Variants in C13orf42 observed in about 807,000 individuals in gnomAD.
C13orf42 encodes the protein chromosome 13 open reading frame 42, also known as uncharacterized protein C13orf42.
chr13:51,091,188 G>A (rs1464640828), intron 1 of C13orf42, among the ~76,000 whole-genome samples: 1 of 152,132 alleles, frequency 6.6e-6, no homozygotes, highest in Non-Finnish European at 1.5e-5. Context: ...GGCTCTGCTG[G>A]CCCAGTCAAT....
intron 1 of C13orf42, among the ~76,000 whole-genome samples, chr13:51,165,375 C>T (rs1233732713): frequency 6.6e-6 from 1 of 152,208 alleles, no homozygotes; most frequent in Non-Finnish European, 1.5e-5. Flanking sequence ...TTCAATTGTA[C>T]TCACATTTAT....
upstream of C13orf42, among the ~76,000 whole-genome samples, chr13:51,112,961 G>A (rs529946598): frequency 6.6e-6 from 1 of 152,286 alleles, no homozygotes; most frequent in East Asian, 1.9e-4. Context: ...CCCGGGATGG[G>A]TAAGTGCTGA....
chr13:51,087,071 C>A (rs1042769868), intron 2 of C13orf42, among the ~76,000 whole-genome samples: 27 of 152,126 alleles, frequency 1.8e-4, no homozygotes, highest in Non-Finnish European at 3.4e-4. Context: ...CCAGTGAGCC[C>A]CCTGAATAAA....
At chr13:51,171,598 C>T (rs537921968) in intron 1 of C13orf42, among the ~76,000 whole-genome samples, 73 of 152,254 alleles carry the variant, frequency 4.8e-4, no homozygotes, top group African/African-American at 1.6e-3. Flanking sequence ...CTCTGCTCCT[C>T]CACCCTATAA....
At chr13:51,124,518 T>C (rs1953561075) in intron 1 of C13orf42, among the ~76,000 whole-genome samples, 1 of 152,212 alleles carries the variant, frequency 6.6e-6, no homozygotes, top group Non-Finnish European at 1.5e-5. Context: ...TTTCATCTGC[T>C]TCTCACTGAA....
intron 1 of C13orf42, among the ~76,000 whole-genome samples, chr13:51,162,671 G>T (rs997631683): frequency 6.6e-6 from 1 of 152,118 alleles, no homozygotes; most frequent in Non-Finnish European, 1.5e-5. Context: ...AAGAGGATTT[G>T]CTCTGTCCTC....
chr13:51,136,462 C>T (rs1418651045), intron 1 of C13orf42, among the ~76,000 whole-genome samples: 2 of 152,100 alleles, frequency 1.3e-5, no homozygotes, highest in Non-Finnish European at 2.9e-5. Flanking sequence ...GTCTTTTAGT[C>T]GTGGCAGAGA....
At chr13:51,104,735 AAG>A (rs777547367) in intron 1 of C13orf42, among the ~76,000 whole-genome samples, 34 of 152,026 alleles carry the variant, frequency 2.2e-4, no homozygotes, top group Non-Finnish European at 3.8e-4. Context: ...TACACTGTGA[AAG>A]AGTGAGTTTT....
chr13:51,154,007 C>A (rs1407184619), intron 1 of C13orf42, among the ~76,000 whole-genome samples: 1 of 152,104 alleles, frequency 6.6e-6, no homozygotes, highest in African/African-American at 2.4e-5. Flanking sequence ...TTCCCCTACC[C>A]CCAGCCCCTG....
At chr13:51,087,405 A>T (rs1427077870) in intron 2 of C13orf42, among the ~76,000 whole-genome samples, 1 of 151,968 alleles carries the variant, frequency 6.6e-6, no homozygotes, top group African/African-American at 2.4e-5. Flanking sequence ...TCTTTTTTTT[A>T]AGTTGTGGTG....
intron 1 of C13orf42, among the ~76,000 whole-genome samples, chr13:51,095,516 T>A (rs1234934651): frequency 1.3e-5 from 2 of 152,064 alleles, no homozygotes; most frequent in African/African-American, 2.4e-5. Context: ...ATGCTCTGTT[T>A]TTTATTTATT....
rs1242418470 is a variant in C13orf42, at chr13:51,137,549, C to T, written n.137-24327G>A. On this transcript the variant is annotated intron_variant and non_coding_transcript_variant, in intron 1 of 4. Transcript: ENST00000433280. ...GACCCAGCACCACTCCCTGCCTCTC[C>T]GTCCTTTTGTCTCCCACTCTCTGGA... 7.2e-5 allele frequency among the ~76,000 whole-genome samples: 11 copies of T among 152,178 alleles called. No individual in the cohort carries two copies. The South Asian group carries it at 8.3e-4, about 11-fold the overall frequency.
At chr13:51,140,842 G>A (rs1953690074) in intron 1 of C13orf42, among the ~76,000 whole-genome samples, 1 of 151,978 alleles carries the variant, frequency 6.6e-6, no homozygotes, top group Non-Finnish European at 1.5e-5. Flanking sequence ...CCATCACTAG[G>A]TAAAAAACTG....
intron 1 of C13orf42, among the ~76,000 whole-genome samples, chr13:51,148,568 A>G (rs1477354433): frequency 6.6e-6 from 1 of 152,188 alleles, no homozygotes; most frequent in Admixed American, 6.5e-5. Flanking sequence ...AGCACAGCTC[A>G]TGCAATCCCC....
chr13:51,114,196 G>A (rs1047561687), upstream of C13orf42, among the ~76,000 whole-genome samples: 2 of 152,184 alleles, frequency 1.3e-5, no homozygotes, highest in African/African-American at 4.8e-5. Flanking sequence ...GGAAGGGCAG[G>A]CCAGGATGAG....
chr13:51,157,231 C>A (rs1482916590), intron 1 of C13orf42, among the ~76,000 whole-genome samples: 1 of 152,044 alleles, frequency 6.6e-6, no homozygotes, highest in East Asian at 1.9e-4. Flanking sequence ...GTCAGGAGTT[C>A]GAGACCAGCC....
At position 51,085,454 on chromosome 13, in the gene C13orf42, C is replaced by A. The variant is rs946267273; in HGVS notation, c.668G>T (p.Gly223Val). Residue 223 changes from glycine to valine, a missense_variant, in exon 3 of 4, where the codon GGC becomes GTC. Transcript: ENST00000563710. ...IAAHTVHTVDGQFRRSTEHRT... is the reference protein window; with the variant it reads ...IAAHTVHTVDVQFRRSTEHRT... ...GTGCTCGGTGCTCCTTCGAAACTGGCCGTCTACAGTATGCACAGTGTGGGC... is the reference window on the plus strand; with the variant it reads ...GTGCTCGGTGCTCCTTCGAAACTGGACGTCTACAGTATGCACAGTGTGGGC... The A allele has an allele frequency of 2.5e-6, 1 of 398,598 alleles. No homozygotes were observed. Among genetic ancestry groups the A allele is most frequent in the Non-Finnish European group, 4.4e-6 (1 of 226,062 alleles). The allele number at this position is 398,598 out of a possible 1,614,324, so 24.7% of individuals were successfully genotyped here.
chr13:51,134,975 T>C (rs533078750), intron 1 of C13orf42, among the ~76,000 whole-genome samples: 1 of 152,350 alleles, frequency 6.6e-6, no homozygotes, highest in South Asian at 2.1e-4. Flanking sequence ...ACTGACTCCA[T>C]GCCAGGTACA....
At chr13:51,091,382 C>T (rs1055062670) in intron 1 of C13orf42, among the ~76,000 whole-genome samples, 1 of 152,130 alleles carries the variant, frequency 6.6e-6, no homozygotes, top group Non-Finnish European at 1.5e-5. Context: ...CCTCATTAGT[C>T]CCCCCACTGC....
Sources: gnomAD v4.1 joint callset for allele counts (sites outside exome capture counted in the v4.1 genomes callset) on GRCh38, gnomAD v4.1.1 for gene constraint, MANE v1.5 for transcripts, NCBI Gene and HGNC (gene_info 2026-07-23, HGNC 2026-07-21) for gene names.